C2orf80: variants seen among roughly 807,000 people sequenced by gnomAD.
C2orf80 encodes the protein chromosome 2 open reading frame 80, also known as uncharacterized protein C2orf80.
In C2orf80, 28 loss-of-function variants were observed where a neutral mutation model predicts 30.2. That is an observed-to-expected ratio of 0.93 (90% CI 0.69 to 1.27). C2orf80 has a LOEUF of 1.27. C2orf80 is among the 50% of genes most tolerant of loss of function. The probability of loss-of-function intolerance (pLI) is 0.00; values close to 1 mark genes in which losing one functional copy is unlikely to be tolerated. For missense variants in C2orf80, 220 were observed against 231.0 expected, an observed-to-expected ratio of 0.95 and a Z score of 0.31; for synonymous variants, 80 against 76.4, an observed-to-expected ratio of 1.05 and a Z score of -0.24.
At chr2:208,183,873 T>A (rs1696637810) in intron 3 of C2orf80, among the ~76,000 whole-genome samples, 1 of 152,230 alleles carries the variant, frequency 6.6e-6, no homozygotes, top group Non-Finnish European at 1.5e-5. Flanking sequence ...CTAAGAGTTC[T>A]TGTTCAGTAA....
intron 3 of C2orf80, among the ~76,000 whole-genome samples, chr2:208,183,578 AG>A (rs1696627732): frequency 6.6e-6 from 1 of 152,150 alleles, no homozygotes; most frequent in Admixed American, 6.5e-5. Flanking sequence ...GGGAATTTGG[AG>A]GGATGGGCCG....
At chr2:208,169,269 T>TTGTGTGTGTGTGTGTGTGTG (rs10658929) in intron 8 of C2orf80, among the ~76,000 whole-genome samples, 6,112 of 137,932 alleles carry the variant, frequency 0.044, 198 homozygotes, top group Admixed American at 0.063. Flanking sequence ...AAAGTCTAGA[T>TTGTGTGTGTGTGTGTGTGTG]TGTGTGTGTG....
intron 7 of C2orf80, among the ~76,000 whole-genome samples, 174 bp from the exon 8 acceptor site, chr2:208,171,237 C>T (rs1382546133): frequency 2.0e-5 from 3 of 152,182 alleles, no homozygotes; most frequent in Non-Finnish European, 2.9e-5. Flanking sequence ...CCTCCACTTC[C>T]TGGGCTCTAA....
At chr2:208,169,614 G>A (rs902412556) in intron 8 of C2orf80, among the ~76,000 whole-genome samples, 4 of 151,454 alleles carry the variant, frequency 2.6e-5, no homozygotes, top group African/African-American at 9.7e-5. Flanking sequence ...TCGGGAGGCT[G>A]AGGCAGGAGA....
intron 6 of C2orf80, among the ~76,000 whole-genome samples, chr2:208,174,617 C>A (rs1559339004): frequency 6.6e-6 from 1 of 152,282 alleles, no homozygotes; most frequent in East Asian, 1.9e-4. Flanking sequence ...TTTAGACATG[C>A]CTATTTACAT....
Position 208,170,950 on chromosome 2 carries a change from G to T in C2orf80, c.568C>A (p.His190Asn), listed in dbSNP as rs1306899148. 6.2e-7 allele frequency: 1 copy of T among 1,612,784 alleles called. No individual in the cohort carries two copies. Among genetic ancestry groups the T allele is most frequent in the East Asian group, 2.2e-5 (1 of 44,882 alleles). The change falls in exon 8 of 9, where the codon CAC (histidine) becomes AAC (asparagine). Residue 190 changes from histidine (H) to asparagine (N), a missense_variant. Coordinates refer to ENST00000341287, the MANE Select transcript of C2orf80 (RefSeq NM_001099334.3). ...ATTTACAATCTCACACCTACTTTGT[G>T]CTTTGGCTGTGTGTCTGAAAACCTT... ...SQRFSDTQPK[H>N]KVT
intron 8 of C2orf80, among the ~76,000 whole-genome samples, chr2:208,168,151 C>T (rs959471511): frequency 6.6e-6 from 1 of 152,004 alleles, no homozygotes; most frequent in Admixed American, 6.5e-5. Context: ...AGAAAGAATT[C>T]TAACAAACCA....
rs750404525 is a variant in C2orf80 at position 208,185,012 on chromosome 2, C to T, written c.62G>A (p.Arg21Lys). ...KKLLGDYIGI[R>K]LRENEFDPKG... ...TGGGTCAAATTCATTTTCCCGAAGT[C>T]TGATGCCAATATAATCTCCCCTTAA... is the stretch of plus-strand genomic sequence containing the variant. Residue 21 changes from arginine (R) to lysine (K), a missense_variant, in exon 3 of 9, where the codon AGA becomes AAA. Arg to Lys is a conservative substitution (Grantham distance 26). Coordinates refer to ENST00000341287, the MANE Select transcript of C2orf80 (RefSeq NM_001099334.3). 7.4e-6 allele frequency: 12 copies of T among 1,613,716 alleles called. No homozygotes were observed. In the East Asian group the frequency reaches 2.5e-4, roughly 33 times the overall value.
chr2:208,177,986 T>C (rs1298438031), intron 6 of C2orf80, among the ~76,000 whole-genome samples: 1 of 151,790 alleles, frequency 6.6e-6, no homozygotes, highest in African/African-American at 2.4e-5. Flanking sequence ...CCCGCTAATT[T>C]TTTGTGTTTT....
chr2:208,167,981 A>T (rs1695957879), intron 8 of C2orf80, among the ~76,000 whole-genome samples: 1 of 151,468 alleles, frequency 6.6e-6, no homozygotes, highest in African/African-American at 2.4e-5. Flanking sequence ...TTTTATCTTG[A>T]GGTTAAAAAA....
intron 7 of C2orf80, among the ~76,000 whole-genome samples, 158 bp from the exon 8 acceptor site, chr2:208,171,221 T>C (rs1696088850): frequency 6.6e-6 from 1 of 152,194 alleles, no homozygotes; most frequent in Admixed American, 6.5e-5. Context: ...TCACGGCTCA[T>C]TGCAGCCTCC....
chr2:208,183,099 A>G (rs1160226675), intron 3 of C2orf80, 52 bp from the exon 4 acceptor site: 6 of 1,452,076 alleles, frequency 4.1e-6, no homozygotes, highest in African/African-American at 1.4e-5. Flanking sequence ...CATTGGCCGA[A>G]GTACTCCCTG....
chr2:208,182,166 T>C (rs995592719), intron 4 of C2orf80, among the ~76,000 whole-genome samples: 1 of 152,176 alleles, frequency 6.6e-6, no homozygotes, highest in Non-Finnish European at 1.5e-5. Flanking sequence ...TCCTCATTAG[T>C]TCTGTGTTCT....
chr2:208,185,131 A>G (rs1696681266), intron 2 of C2orf80, 99 bp from the exon 3 acceptor site: 1 of 740,386 alleles, frequency 1.4e-6, no homozygotes, highest in Admixed American at 2.5e-5. Flanking sequence ...CCCCACCAAA[A>G]TACAAGAGAA....
chr2:208,172,113 T>C (rs1288084499), intron 6 of C2orf80, 38 bp from the exon 7 acceptor site: 1 of 1,507,276 alleles, frequency 6.6e-7, no homozygotes, highest in Non-Finnish European at 9.2e-7. Flanking sequence ...AATCTGTCCA[T>C]CATCTGCGGC....
chr2:208,185,096 C>CTT, intron 2 of C2orf80, 64 bp from the exon 3 acceptor site: 27 of 1,100,192 alleles, frequency 2.5e-5, no homozygotes, highest in Non-Finnish European at 3.1e-5. Flanking sequence ...CAGAAAAAGG[C>CTT]TTTTTTTTTT....
chr2:208,178,730 A>T (rs2105905590), intron 6 of C2orf80, among the ~76,000 whole-genome samples: 1 of 152,182 alleles, frequency 6.6e-6, no homozygotes, highest in East Asian at 1.9e-4. Flanking sequence ...CCTGTGGAAC[A>T]TAGGGAGACC....
rs949664611 is a variant in C2orf80, at chr2:208,165,718, G to A, written c.*89C>T. 3.2e-6 allele frequency: 5 copies of A among 1,580,462 alleles called. No homozygotes were observed. Among genetic ancestry groups the A allele is most frequent in the Non-Finnish European group, 4.3e-6 (5 of 1,163,102 alleles). On this transcript the variant is annotated 3_prime_UTR_variant, in exon 9 of 9. Coordinates refer to ENST00000341287, the MANE Select transcript of C2orf80 (RefSeq NM_001099334.3). ...ACCAAAAACAGTTGTAAAGAAAAATGTACTGGCAAGAGCTGTGGTTTTAAG... is the reference window on the plus strand; with the variant it reads ...ACCAAAAACAGTTGTAAAGAAAAATATACTGGCAAGAGCTGTGGTTTTAAG...
At chr2:208,165,852 C>T (rs1394743413) in intron 8 of C2orf80, 37 bp from the exon 9 acceptor site, 4 of 1,428,392 alleles carry the variant, frequency 2.8e-6, no homozygotes, top group South Asian at 1.2e-5. Flanking sequence ...TCAAGCACAT[C>T]AATTTAACAT....
Sources: allele counts gnomAD v4.1 joint callset (sites outside exome capture counted in the v4.1 genomes callset), GRCh38; gene constraint gnomAD v4.1.1; transcripts MANE v1.5; gene names NCBI Gene and HGNC (gene_info 2026-07-23, HGNC 2026-07-21).